INPP4B: variants seen among roughly 807,000 people sequenced by gnomAD.
INPP4B encodes the protein inositol polyphosphate 4-phosphatase type II.
In INPP4B, 55 loss-of-function variants were observed where a neutral mutation model predicts 122.5. The ratio of observed to expected loss-of-function variants is 0.45; its 90% CI spans 0.36 to 0.56. The LOEUF (loss-of-function observed/expected upper bound fraction) is 0.56, where lower values mean the gene tolerates loss of function less well. INPP4B is among the 20% of genes least tolerant of loss of function. The pLI, the probability that INPP4B is intolerant of heterozygous loss-of-function variation, is 0.00. For missense variants in INPP4B, 1,000 were observed against 1,097.7 expected (o/e 0.91, Z 1.26); for synonymous variants, 403 against 388.7 (o/e 1.04, Z -0.43).
chr4:142,624,925 TCAA>T (rs1430774127), intron 2 of INPP4B, among the ~76,000 whole-genome samples: 16 of 151,940 alleles, frequency 1.1e-4, no homozygotes, highest in South Asian at 8.3e-4. Context: ...TTGACAAAAT[TCAA>T]CAACGCTTCA....
intron 5 of INPP4B, among the ~76,000 whole-genome samples, chr4:142,409,638 T>C (rs1804193125): frequency 6.6e-6 from 1 of 152,180 alleles, no homozygotes; most frequent in African/African-American, 2.4e-5. Context: ...GCTTACACTA[T>C]GTCATAAGAT....
intron 15 of INPP4B, among the ~76,000 whole-genome samples, chr4:142,189,692 A>T (rs1834867266): frequency 6.6e-6 from 1 of 152,216 alleles, no homozygotes; most frequent in Non-Finnish European, 1.5e-5. Flanking sequence ...AGGAAACAGA[A>T]CGAGGAAAAA....
chr4:142,247,997 G>T (rs1729792105), intron 11 of INPP4B, among the ~76,000 whole-genome samples: 2 of 151,976 alleles, frequency 1.3e-5, no homozygotes, highest in African/African-American at 4.8e-5. Context: ...GAGCCTCTGT[G>T]TGCTCAGGAG....
chr4:142,069,053 A>T lies in INPP4B; in HGVS notation c.2642+12978T>A, dbSNP rs1278883563. ...CATTCTTCTCAGCACCACATCACAC[A>T]TATTCCAAAATTGACCACAGAGTTG... On this transcript the variant is annotated intron_variant, in intron 25 of 25. Coordinates refer to ENST00000262992, the MANE Select transcript of INPP4B (RefSeq NM_001101669.3). 3.3e-5 allele frequency among the ~76,000 whole-genome samples: 5 copies of T among 152,186 alleles called. No individual in the cohort carries two copies. In the South Asian group the frequency reaches 6.2e-4, roughly 19 times the overall value.
At chr4:142,539,156 A>AAT (rs5862601) in intron 2 of INPP4B, among the ~76,000 whole-genome samples, 1,516 of 147,748 alleles carry the variant, frequency 0.01, 22 homozygotes, top group African/African-American at 0.032. Context: ...GAGATAATAA[A>AAT]ATATATATAT....
intron 25 of INPP4B, among the ~76,000 whole-genome samples, chr4:142,071,096 G>A (rs1487221887): frequency 1.3e-5 from 2 of 152,112 alleles, no homozygotes; most frequent in Non-Finnish European, 2.9e-5. Flanking sequence ...ATACTACAAG[G>A]CTACAGTAAC....
intron 1 of INPP4B, among the ~76,000 whole-genome samples, chr4:142,762,495 A>G (rs1472550860): frequency 6.6e-6 from 1 of 152,140 alleles, no homozygotes; most frequent in Non-Finnish European, 1.5e-5. Flanking sequence ...CTGCCTCTGG[A>G]TAAAGCTCGC....
intron 3 of INPP4B, among the ~76,000 whole-genome samples, chr4:142,441,741 A>C (rs141442953): frequency 2.0e-5 from 3 of 152,166 alleles, no homozygotes; most frequent in Non-Finnish European, 4.4e-5. Context: ...AGGTAGGAAG[A>C]ACAGAGGGAA....
At chr4:142,785,001 C>G (rs1301815383) in intron 1 of INPP4B, among the ~76,000 whole-genome samples, 1 of 152,096 alleles carries the variant, frequency 6.6e-6, no homozygotes, top group Non-Finnish European at 1.5e-5. Flanking sequence ...TTATAGAATA[C>G]ACTCCCTACT....
chr4:142,255,063 G>T (rs1734971820), intron 11 of INPP4B, among the ~76,000 whole-genome samples: 1 of 150,562 alleles, frequency 6.6e-6, no homozygotes, highest in East Asian at 1.9e-4. Flanking sequence ...CATTCTTAAA[G>T]AAAAGAATTT....
chr4:142,660,776 C>T (rs1755026208), intron 2 of INPP4B: 1 of 152,350 alleles, frequency 6.6e-6, no homozygotes. Context: ...TCTGTTCTTA[C>T]CTTCAGGCCA....
chr4:142,032,628 T>C (rs984138701), intron 25 of INPP4B, among the ~76,000 whole-genome samples: 46 of 152,204 alleles, frequency 3.0e-4, no homozygotes, highest in African/African-American at 1.1e-3. Flanking sequence ...AGCTGTGATA[T>C]AGATCAGAGC....
chr4:142,150,305 C>A (rs554995395), intron 17 of INPP4B, among the ~76,000 whole-genome samples: 1 of 152,274 alleles, frequency 6.6e-6, no homozygotes, highest in East Asian at 1.9e-4. Flanking sequence ...TGTGGTGCTT[C>A]CAGCCCCTCC....
chr4:142,505,530 C>T (rs957920696), intron 2 of INPP4B, among the ~76,000 whole-genome samples: 4 of 150,920 alleles, frequency 2.7e-5, no homozygotes, highest in African/African-American at 9.7e-5. Context: ...ATGTCCTCAT[C>T]CACGAAGTAA....
intron 2 of INPP4B, among the ~76,000 whole-genome samples, chr4:142,618,672 G>A (rs1449629089): frequency 6.6e-6 from 1 of 151,992 alleles, no homozygotes; most frequent in African/African-American, 2.4e-5. Flanking sequence ...CATTGGTCTT[G>A]ACAATGATTT....
intron 3 of INPP4B, among the ~76,000 whole-genome samples, chr4:142,447,296 T>C (rs1436279129): frequency 6.6e-6 from 1 of 152,144 alleles, no homozygotes; most frequent in African/African-American, 2.4e-5. Context: ...AAGGACAGTA[T>C]AGTGGACACA....
chr4:142,420,800 T>C (rs1806709798), intron 5 of INPP4B, among the ~76,000 whole-genome samples: 1 of 152,088 alleles, frequency 6.6e-6, no homozygotes, highest in Non-Finnish European at 1.5e-5. Context: ...ATGTCAAAAG[T>C]GTTTAATGCC....
At chr4:142,336,522 A>G (rs1449350243) in intron 7 of INPP4B, among the ~76,000 whole-genome samples, 1 of 152,242 alleles carries the variant, frequency 6.6e-6, no homozygotes, top group African/African-American at 2.4e-5. Flanking sequence ...GAGCTGTAAC[A>G]TGAACAAGCT....
intron 23 of INPP4B, among the ~76,000 whole-genome samples, chr4:142,095,795 G>A (rs755623793): frequency 1.3e-5 from 2 of 152,098 alleles, no homozygotes; most frequent in Admixed American, 6.5e-5. Flanking sequence ...AAAGCTTCAC[G>A]ATCAAATTTA....
Sources: allele counts gnomAD v4.1 joint callset (sites outside exome capture counted in the v4.1 genomes callset), GRCh38; gene constraint gnomAD v4.1.1; transcripts MANE v1.5; gene names NCBI Gene and HGNC (gene_info 2026-07-23, HGNC 2026-07-21).